ATP8B4: variants seen among roughly 807,000 people sequenced by gnomAD.
ATP8B4 encodes the protein probable phospholipid-transporting ATPase IM.
ATP8B4 carries 133 observed loss-of-function variants against 145.6 expected under a neutral mutation model. That is an observed-to-expected ratio of 0.91 (90% CI 0.79 to 1.05). ATP8B4 has a LOEUF of 1.05. ATP8B4 is among the 50% of genes least tolerant of loss of function. The pLI is 0.00. For missense variants in ATP8B4, 1,458 were observed against 1,425.2 expected, an observed-to-expected ratio of 1.02 and a Z score of -0.37; for synonymous variants, 507 against 492.9, an observed-to-expected ratio of 1.03 and a Z score of -0.38.
chr15:50,112,403 C>T (rs940127730), intron 1 of ATP8B4, among the ~76,000 whole-genome samples: 7 of 151,992 alleles, frequency 4.6e-5, no homozygotes, highest in African/African-American at 1.7e-4. Context: ...GGGTGCTCTC[C>T]AGTTCTCTGA....
intron 2 of ATP8B4, among the ~76,000 whole-genome samples, chr15:50,090,315 A>C (rs561918165): frequency 9.2e-5 from 14 of 152,138 alleles, no homozygotes; most frequent in Non-Finnish European, 2.1e-4. Context: ...CACCACATTT[A>C]CCTATGTAAC....
rs564243889 is a variant in ATP8B4, at chr15:50,164,016, T to TC, written c.-43+18244dup. On this transcript the variant is annotated intron_variant, in intron 1 of 3. Transcript: ENST00000558829. ...GTGAATGCTGCCAGGCCTGAGTCTCTCTTCTGGGCAGTGGGCTCCCCTGTG... is the reference window on the plus strand; with the variant it reads ...GTGAATGCTGCCAGGCCTGAGTCTCTCCTTCTGGGCAGTGGGCTCCCCTGTG... Among the ~76,000 whole-genome samples the TC allele has an allele frequency of 7.9e-4, 120 of 152,254 alleles. 1 individual carries two copies. Among genetic ancestry groups the TC allele is most frequent in the African/African-American group, 2.8e-3 (116 of 41,546 alleles).
intron 7 of ATP8B4, among the ~76,000 whole-genome samples, chr15:50,007,944 G>T (rs1471540351): frequency 1.3e-5 from 2 of 152,196 alleles, no homozygotes; most frequent in African/African-American, 4.8e-5. Flanking sequence ...GTTATCCAAA[G>T]ATTAGGCCAA....
chr15:49,901,765 GA>G, intron 20 of ATP8B4: 1 of 400,740 alleles, frequency 2.5e-6, no homozygotes, highest in Non-Finnish European at 4.8e-6. Flanking sequence ...AATTTAACAA[GA>G]AGAAAAATGA....
At chr15:49,876,673 A>G in intron 24 of ATP8B4, 150 bp from the exon 25 acceptor site, 1 of 1,068,380 alleles carries the variant, frequency 9.4e-7, no homozygotes, top group Non-Finnish European at 1.4e-6. Context: ...TCTTGTTTGT[A>G]TTCCCACAAT....
At chr15:50,178,995 A>G (rs2044805070) in intron 1 of ATP8B4, among the ~76,000 whole-genome samples, 1 of 152,180 alleles carries the variant, frequency 6.6e-6, no homozygotes, top group Admixed American at 6.5e-5. Context: ...ACTGCCCTAA[A>G]GGAGAGTTGA....
At chr15:50,155,664 C>T (rs2044401281) in intron 1 of ATP8B4, among the ~76,000 whole-genome samples, 1 of 151,990 alleles carries the variant, frequency 6.6e-6, no homozygotes, top group South Asian at 2.1e-4. Context: ...TCACGTTTTA[C>T]CATGTAGACA....
intron 23 of ATP8B4, among the ~76,000 whole-genome samples, chr15:49,887,560 A>G (rs2036341397): frequency 6.6e-6 from 1 of 152,022 alleles, no homozygotes; most frequent in Non-Finnish European, 1.5e-5. Flanking sequence ...CCTCCAAAAT[A>G]TTTGTTCCCT....
chr15:50,030,636 A>T (rs751875292), intron 6 of ATP8B4, among the ~76,000 whole-genome samples: 1 of 152,202 alleles, frequency 6.6e-6, no homozygotes, highest in Non-Finnish European at 1.5e-5. Context: ...TCTCCCCCAC[A>T]AATTCTTCAG....
At chr15:50,118,900 A>G (rs573670155) in intron 1 of ATP8B4, among the ~76,000 whole-genome samples, 1 of 151,398 alleles carries the variant, frequency 6.6e-6, no homozygotes, top group East Asian at 1.9e-4. Flanking sequence ...CATTTCAAAC[A>G]ACAAAAAAGA....
intron 21 of ATP8B4, among the ~76,000 whole-genome samples, chr15:49,900,089 T>A (rs2037853749): frequency 6.6e-6 from 1 of 152,202 alleles, no homozygotes; most frequent in Non-Finnish European, 1.5e-5. Context: ...AAGACCCAGA[T>A]GACAGTCGTA....
At chr15:50,132,235 T>G (rs954849422) in intron 1 of ATP8B4, among the ~76,000 whole-genome samples, 15 of 152,302 alleles carry the variant, frequency 9.8e-5, no homozygotes, top group African/African-American at 3.6e-4. Context: ...ATCCTAAGCT[T>G]GCATTGGTAA....
At chr15:50,036,909 T>C (rs1180992591) in intron 6 of ATP8B4, among the ~76,000 whole-genome samples, 20 of 152,178 alleles carry the variant, frequency 1.3e-4, no homozygotes, top group Admixed American at 1.3e-3. Context: ...TTTCAATACA[T>C]CATGCCATAT....
At chr15:49,950,611 C>CAAAAAAAAAAAAAAA (rs1316878072) in intron 14 of ATP8B4, among the ~76,000 whole-genome samples, 19 of 107,154 alleles carry the variant, frequency 1.8e-4, no homozygotes, top group Non-Finnish European at 2.9e-4. Flanking sequence ...AACAAACAAA[C>CAAAAAAAAAAAAAAA]AAACAAACAA....
At chr15:49,910,679 A>G (rs933835324) in intron 20 of ATP8B4, among the ~76,000 whole-genome samples, 2 of 152,222 alleles carry the variant, frequency 1.3e-5, no homozygotes, top group Non-Finnish European at 2.9e-5. Flanking sequence ...AAGCCAGAAG[A>G]TAACAGGATA....
intron 14 of ATP8B4, among the ~76,000 whole-genome samples, chr15:49,942,378 C>T (rs1213000011): frequency 6.6e-6 from 1 of 151,732 alleles, no homozygotes; most frequent in Non-Finnish European, 1.5e-5. Context: ...ATGAAGCCAA[C>T]AATCTATAAA....
At chr15:49,860,535 G>C in intron 27 of ATP8B4, 60 bp from the exon 28 acceptor site, 1 of 1,483,972 alleles carries the variant, frequency 6.7e-7, no homozygotes. Flanking sequence ...CCAGGCAGTG[G>C]CCCACTTTGT....
At chr15:50,141,604 T>C (rs1214184784) in intron 1 of ATP8B4, among the ~76,000 whole-genome samples, 4 of 152,206 alleles carry the variant, frequency 2.6e-5, no homozygotes, top group African/African-American at 7.2e-5. Flanking sequence ...GAGGAAGATA[T>C]GTAAACAGGT....
intron 20 of ATP8B4, among the ~76,000 whole-genome samples, chr15:49,915,977 G>T (rs1040012227): frequency 6.6e-6 from 1 of 151,638 alleles, no homozygotes; most frequent in African/African-American, 2.4e-5. Context: ...ACATATTTGG[G>T]AAGCCACAGA....
Sources: allele counts gnomAD v4.1 joint callset (sites outside exome capture counted in the v4.1 genomes callset), GRCh38; gene constraint gnomAD v4.1.1; transcripts MANE v1.5; gene names NCBI Gene and HGNC (gene_info 2026-07-23, HGNC 2026-07-21).